The following CCDC141 variants were observed in gnomAD, a reference collection of about 807,000 sequenced individuals.
CCDC141 encodes the protein coiled-coil domain-containing protein 141.
Under a neutral mutation model 181.0 loss-of-function variants are expected in CCDC141, and 168 were observed. The observed-to-expected ratio is 0.93, with a 90% CI of 0.82 to 1.05. CCDC141 has a LOEUF of 1.05. CCDC141 is among the 50% of genes least tolerant of loss of function. CCDC141 has a pLI of 0.00. For missense variants in CCDC141, 1,902 were observed against 1,788.5 expected (o/e 1.06, Z -1.14); for synonymous variants, 666 against 642.3 (o/e 1.04, Z -0.56).
intron 10 of CCDC141, among the ~76,000 whole-genome samples, chr2:178,886,362 G>A (rs1417995253): frequency 6.6e-6 from 1 of 152,176 alleles, no homozygotes; most frequent in East Asian, 1.9e-4. Context: ...TTGGAATCTT[G>A]CAATAACGCA....
At position 178,865,752 on chromosome 2, in the gene CCDC141, C is replaced by A; in HGVS notation, c.2724+15G>T. The stretch of plus-strand genomic sequence containing the variant: ...TTTTTGGCAATGTGCCAGTTCTCAC[C>A]CCTCCCACACCCACCTCATTTATCT... On this transcript the variant is annotated intron_variant, in intron 17 of 23. Coordinates refer to ENST00000443758, the MANE Select transcript of CCDC141 (RefSeq NM_173648.4). The A allele has an allele frequency of 1.4e-6, 2 of 1,464,172 alleles. No individual in the cohort carries two copies. The highest frequency in any genetic ancestry group is 1.8e-6 in the Non-Finnish European group (2 of 1,101,502). 90.7% of individuals were successfully genotyped at this position (1,464,172 alleles called of 1,614,324 possible).
At chr2:179,006,862 A>AT (rs1237240139) in intron 2 of CCDC141, among the ~76,000 whole-genome samples, 1 of 152,032 alleles carries the variant, frequency 6.6e-6, no homozygotes, top group Non-Finnish European at 1.5e-5. Flanking sequence ...CCACCTATTG[A>AT]TTTTTTTCTT....
chr2:179,049,620 A>G lies in CCDC141; in HGVS notation c.102+220T>C, dbSNP rs16866620. 0.11 allele frequency among the ~76,000 whole-genome samples: 14,789 copies of G among 140,404 alleles called. 1,113 individuals are homozygous for G. The highest frequency in any genetic ancestry group is 0.22 in the Admixed American group (3,039 of 13,938). The allele number at this position is 140,404 out of a possible 152,430, so 92.1% of individuals were successfully genotyped here. On this transcript the variant is annotated intron_variant, in intron 1 of 23. Transcript: ENST00000443758. ...TTTTTTTTTTTTAAATCAAGCTGCT[A>G]TAGATGCTTTCTGGCTGACTGAAAG... is the stretch of plus-strand genomic sequence containing the variant.
chr2:178,961,389 A>G lies in CCDC141; in HGVS notation c.621T>C (p.Pro207=), dbSNP rs750821738. 6.4e-7 allele frequency: 1 copy of G among 1,550,642 alleles called. No individual in the cohort carries two copies. Among genetic ancestry groups the G allele is most frequent in the South Asian group, 1.2e-5 (1 of 84,056 alleles). ...TGCTATGAGCTCCCTGAGTCAACTC[A>G]GGATTCACATTAGGTCCTTCACACT... The part of the protein sequence containing the change: ...KFKCEGPNVN[P]ELTQGAHSSC... The change falls in exon 5 of 24, where the codon CCT becomes CCC. Residue 207 remains proline (P), a synonymous_variant. Coordinates refer to ENST00000443758, the MANE Select transcript of CCDC141 (RefSeq NM_173648.4).
At chr2:178,921,816 C>T (rs1171282776) in intron 6 of CCDC141, among the ~76,000 whole-genome samples, 2 of 152,202 alleles carry the variant, frequency 1.3e-5, no homozygotes, top group African/African-American at 4.8e-5. Context: ...TGTTTTGTCC[C>T]TGTTCTCCAG....
chr2:179,022,476 CT>C (rs1420583812), intron 2 of CCDC141, among the ~76,000 whole-genome samples: 1 of 152,060 alleles, frequency 6.6e-6, no homozygotes, highest in African/African-American at 2.4e-5. Flanking sequence ...CCTTGAAGAC[CT>C]AGCTCTCTTC....
At chr2:178,976,157 C>T (rs1559020208) in intron 3 of CCDC141, among the ~76,000 whole-genome samples, 1 of 152,112 alleles carries the variant, frequency 6.6e-6, no homozygotes, top group African/African-American at 2.4e-5. Flanking sequence ...CACAGTATGT[C>T]TATAGTGGTA....
At chr2:178,866,461 C>CA (rs1189134023) in intron 16 of CCDC141, among the ~76,000 whole-genome samples, 1 of 152,092 alleles carries the variant, frequency 6.6e-6, no homozygotes, top group Non-Finnish European at 1.5e-5. Context: ...TCTTTCCTGG[C>CA]AAAAAACCAA....
At chr2:178,929,478 C>T (rs116688205) in intron 6 of CCDC141, among the ~76,000 whole-genome samples, 198 of 152,190 alleles carry the variant, frequency 1.3e-3, no homozygotes, top group Non-Finnish European at 2.1e-3. Context: ...TAACTACCCA[C>T]GAGACGTATA....
intron 8 of CCDC141, among the ~76,000 whole-genome samples, chr2:178,903,611 T>TGGGGGGA (rs1464736345): frequency 2.0e-5 from 1 of 48,910 alleles, no homozygotes; most frequent in Non-Finnish European, 3.6e-5. Flanking sequence ...TGTTGTGGGG[T>TGGGGGGA]GGGGGGAGGG....
At chr2:178,840,539 C>A (rs1057460398) in intron 22 of CCDC141, among the ~76,000 whole-genome samples, 1 of 152,148 alleles carries the variant, frequency 6.6e-6, no homozygotes. Context: ...TCAGATCTGT[C>A]TCTATGAGGC....
intron 2 of CCDC141, among the ~76,000 whole-genome samples, chr2:179,020,929 T>G (rs1339722226): frequency 6.6e-6 from 1 of 152,186 alleles, no homozygotes; most frequent in African/African-American, 2.4e-5. Context: ...GTGGTATGAT[T>G]TCAGGGATGT....
intron 5 of CCDC141, among the ~76,000 whole-genome samples, chr2:178,958,426 C>T (rs1021938487): frequency 1.3e-5 from 2 of 152,114 alleles, no homozygotes; most frequent in African/African-American, 4.8e-5. Flanking sequence ...TAGGAAATCT[C>T]TGTACCTTTC....
chr2:178,940,812 T>C (rs972568733), intron 6 of CCDC141, among the ~76,000 whole-genome samples: 1 of 152,206 alleles, frequency 6.6e-6, no homozygotes, highest in Non-Finnish European at 1.5e-5. Flanking sequence ...ATACTGCTAC[T>C]TCCCCCGCCC....
At position 178,877,962 on chromosome 2, in the gene CCDC141, A is replaced by G; in HGVS notation, c.1899+2T>C. The G allele has an allele frequency of 6.2e-7, 1 of 1,611,100 alleles. No individual in the cohort carries two copies. Among genetic ancestry groups the G allele is most frequent in the Non-Finnish European group, 8.5e-7 (1 of 1,177,466 alleles). On this transcript the variant is annotated splice_donor_variant, in intron 12 of 23. Transcript: ENST00000443758. LOFTEE classifies it high-confidence loss of function. ...GTGTGATCCATTTAATGCCATTCTTACCATATTTATTAAATTAAGGAACTC... is the reference window on the plus strand; with the variant it reads ...GTGTGATCCATTTAATGCCATTCTTGCCATATTTATTAAATTAAGGAACTC...
At chr2:179,046,401 G>A (rs1469421084) in intron 2 of CCDC141, among the ~76,000 whole-genome samples, 4 of 152,230 alleles carry the variant, frequency 2.6e-5, no homozygotes, top group Non-Finnish European at 1.5e-5. Flanking sequence ...CAGACATGTG[G>A]TCCTATCTCC....
At chr2:178,968,027 G>A (rs567429554) in intron 4 of CCDC141, among the ~76,000 whole-genome samples, 6 of 152,322 alleles carry the variant, frequency 3.9e-5, no homozygotes, top group African/African-American at 1.4e-4. Flanking sequence ...AATGCAGCAA[G>A]AAGAGCTAAC....
At chr2:179,003,232 T>A (rs892729636) in intron 2 of CCDC141, among the ~76,000 whole-genome samples, 14 of 152,148 alleles carry the variant, frequency 9.2e-5, no homozygotes, top group Admixed American at 4.6e-4. Flanking sequence ...ACAAAAAAAA[T>A]CATGCACATT....
intron 2 of CCDC141, among the ~76,000 whole-genome samples, chr2:178,990,255 TA>T (rs71023464): frequency 0.4 from 59,771 of 148,294 alleles, 13,703 homozygotes; most frequent in Non-Finnish European, 0.54. Context: ...ACAGCTGCTT[TA>T]AAAAAAAAAA....
Sources: allele counts gnomAD v4.1 joint callset (sites outside exome capture counted in the v4.1 genomes callset), GRCh38; gene constraint gnomAD v4.1.1; transcripts MANE v1.5; gene names NCBI Gene and HGNC (gene_info 2026-07-23, HGNC 2026-07-21).